The following FHIT variants were observed in gnomAD, a reference collection of about 807,000 sequenced individuals.
FHIT encodes the protein fragile histidine triad diadenosine triphosphatase.
In FHIT, 19 loss-of-function variants were observed where a neutral mutation model predicts 17.9. The observed-to-expected ratio is 1.06, with a 90% CI of 0.74 to 1.56. The LOEUF is 1.56. Among genes scored for constraint, FHIT ranks in the 40% most tolerant of loss-of-function variants. FHIT has a pLI of 0.00. For missense variants in FHIT, 248 were observed against 189.2 expected (o/e 1.31, Z -1.82); for synonymous variants, 81 against 69.7 (o/e 1.16, Z -0.81).
intron 5 of FHIT, among the ~76,000 whole-genome samples, chr3:60,300,866 T>C (rs1708433401): frequency 1.3e-5 from 2 of 152,132 alleles, no homozygotes; most frequent in South Asian, 4.1e-4. Context: ...TCCAGATAGC[T>C]CTCAGATCCA....
intron 8 of FHIT, among the ~76,000 whole-genome samples, chr3:59,864,555 C>T (rs1021335449): frequency 1.3e-5 from 2 of 151,594 alleles, no homozygotes; most frequent in African/African-American, 2.4e-5. Flanking sequence ...TATTGGCGCT[C>T]TTCATTCCTG....
At chr3:60,147,969 T>C (rs981279378) in intron 5 of FHIT, among the ~76,000 whole-genome samples, 7 of 152,314 alleles carry the variant, frequency 4.6e-5, no homozygotes, top group Middle Eastern at 3.4e-3. Flanking sequence ...CTAAGTTATT[T>C]TCACTGGTGA....
intron 5 of FHIT, among the ~76,000 whole-genome samples, chr3:60,156,365 T>A (rs1039546862): frequency 2.0e-5 from 3 of 149,190 alleles, no homozygotes; most frequent in Admixed American, 6.7e-5. Context: ...AAAAAAAAAA[T>A]TAGATATTTA....
At chr3:60,345,284 C>T (rs1042772852) in intron 5 of FHIT, among the ~76,000 whole-genome samples, 38 of 152,168 alleles carry the variant, frequency 2.5e-4, no homozygotes, top group African/African-American at 9.2e-4. Flanking sequence ...AGTTCCAACA[C>T]AGCACACCAG....
At chr3:60,597,646 G>A (rs1017219695) in intron 4 of FHIT, among the ~76,000 whole-genome samples, 2 of 152,136 alleles carry the variant, frequency 1.3e-5, no homozygotes, top group Admixed American at 1.3e-4. Flanking sequence ...GGAAATGTCA[G>A]GGAATTAAGA....
chr3:59,980,883 T>C (rs2736803), intron 7 of FHIT, among the ~76,000 whole-genome samples: 147,182 of 152,288 alleles, frequency 0.97, 71,322 homozygotes, highest in East Asian at 1. Context: ...TGAACTAAAC[T>C]ACTGTTTTCA....
At chr3:60,802,616 T>C (rs1701232624) in intron 4 of FHIT, among the ~76,000 whole-genome samples, 1 of 152,228 alleles carries the variant, frequency 6.6e-6, no homozygotes, top group African/African-American at 2.4e-5. Flanking sequence ...TTTTTGTTTT[T>C]TGTTTTTTAA....
chr3:60,299,134 C>T (rs1021938136), intron 5 of FHIT, among the ~76,000 whole-genome samples: 2 of 152,038 alleles, frequency 1.3e-5, no homozygotes, highest in Admixed American at 6.6e-5. Context: ...TAGAGTCAGC[C>T]GTGACGATCC....
chr3:59,843,103 T>C (rs1028631338), intron 8 of FHIT, among the ~76,000 whole-genome samples: 38 of 152,310 alleles, frequency 2.5e-4, no homozygotes, highest in African/African-American at 8.7e-4. Context: ...GGAATGTACC[T>C]AACATTAATT....
At chr3:60,186,859 A>G (rs890745919) in intron 5 of FHIT, among the ~76,000 whole-genome samples, 3 of 150,970 alleles carry the variant, frequency 2.0e-5, no homozygotes, top group African/African-American at 7.3e-5. Flanking sequence ...TTTTCTTCCT[A>G]TGTTCTACAC....
chr3:60,870,281 G>A (rs574409207), intron 3 of FHIT, among the ~76,000 whole-genome samples: 1 of 151,802 alleles, frequency 6.6e-6, no homozygotes, highest in South Asian at 2.1e-4. Context: ...AAACAGGTCA[G>A]CAAGACTTGA....
At chr3:60,572,996 T>C (rs1169768278) in intron 4 of FHIT, among the ~76,000 whole-genome samples, 2 of 152,270 alleles carry the variant, frequency 1.3e-5, no homozygotes, top group African/African-American at 4.8e-5. Context: ...TTTCACTTGA[T>C]AAAACTGAGG....
intron 2 of FHIT, among the ~76,000 whole-genome samples, chr3:61,093,483 C>A (rs1484953836): frequency 6.6e-6 from 1 of 151,982 alleles, no homozygotes; most frequent in African/African-American, 2.4e-5. Flanking sequence ...TTATCCAAGC[C>A]AAAATGCCAA....
intron 8 of FHIT, among the ~76,000 whole-genome samples, chr3:59,777,341 C>T (rs904042959): frequency 2.0e-5 from 3 of 151,946 alleles, no homozygotes; most frequent in Non-Finnish European, 4.4e-5. Context: ...TTTCCTCTCG[C>T]ATGTGTAGTG....
At chr3:60,174,914 T>C (rs978629340) in intron 5 of FHIT, among the ~76,000 whole-genome samples, 1 of 152,190 alleles carries the variant, frequency 6.6e-6, no homozygotes, top group African/African-American at 2.4e-5. Flanking sequence ...AATCATACAT[T>C]TGAGTCACTA....
At chr3:60,347,345 C>G (rs1033546496) in intron 5 of FHIT, among the ~76,000 whole-genome samples, 41 of 152,006 alleles carry the variant, frequency 2.7e-4, no homozygotes, top group African/African-American at 9.7e-4. Flanking sequence ...ATAAAAGAAG[C>G]TGAAGTTTCA....
At chr3:60,111,886 C>A (rs560256983) in intron 5 of FHIT, among the ~76,000 whole-genome samples, 10 of 152,278 alleles carry the variant, frequency 6.6e-5, no homozygotes, top group Middle Eastern at 3.4e-3. Context: ...ATTAAACATC[C>A]AACTCTTTGC....
At chr3:60,025,403 T>G (rs1700703319) in intron 5 of FHIT, among the ~76,000 whole-genome samples, 1 of 152,120 alleles carries the variant, frequency 6.6e-6, no homozygotes, top group South Asian at 2.1e-4. Context: ...TGAAGATTAG[T>G]CCCCAAGAGA....
chr3:61,067,177 A>T (rs951437605), intron 2 of FHIT, among the ~76,000 whole-genome samples: 2 of 152,188 alleles, frequency 1.3e-5, no homozygotes, highest in African/African-American at 2.4e-5. Context: ...ACCTGCTACA[A>T]GAAAATGTCC....
Sources: allele counts gnomAD v4.1 joint callset (sites outside exome capture counted in the v4.1 genomes callset), GRCh38; gene constraint gnomAD v4.1.1; transcripts MANE v1.5; gene names NCBI Gene and HGNC (gene_info 2026-07-23, HGNC 2026-07-21).